Variants in HDAC9 observed in about 807,000 individuals in gnomAD.
HDAC9 encodes MEF-2 interacting transcription repressor (MITR) protein.
HDAC9 carries 41 observed loss-of-function variants against 139.4 expected under a neutral mutation model. The observed-to-expected ratio is 0.29, with a 90% CI of 0.23 to 0.38. HDAC9 has a LOEUF of 0.38. Among genes scored for constraint, HDAC9 ranks in the 10% least tolerant of loss-of-function variants. The pLI, the probability that HDAC9 is intolerant of heterozygous loss-of-function variation, is 1.00. For synonymous variants in HDAC9, 517 were observed against 476.2 expected (o/e 1.09, Z -1.12); for missense variants, 1,147 against 1,297.0 (o/e 0.88, Z 1.78).
Position 18,203,222 on chromosome 7 carries a change from G to T in HDAC9, c.25+40873G>T, listed in dbSNP as rs75190505. Among the ~76,000 whole-genome samples, 1,033 of 152,164 alleles carry T rather than the reference G, an allele frequency of 6.8e-3. 15 individuals carry two copies. The highest frequency in any genetic ancestry group is 0.024 in the African/African-American group (1,003 of 41,498). ...TTAAAAGATTGTGAGTCTAAATTTT[G>T]TGTAATTTAATATTAATAAATAACC... On this transcript the variant is annotated intron_variant, in intron 2 of 12. Coordinates refer to the HDAC9 transcript ENST00000417496.
At chr7:18,701,826 G>A (rs1275746854) in intron 12 of HDAC9, among the ~76,000 whole-genome samples, 1 of 152,228 alleles carries the variant, frequency 6.6e-6, no homozygotes, top group Non-Finnish European at 1.5e-5. Flanking sequence ...CCTGGAGAGA[G>A]TGTAGACTAA....
At chr7:18,872,427 G>A (rs1434892099) in intron 21 of HDAC9, among the ~76,000 whole-genome samples, 1 of 152,060 alleles carries the variant, frequency 6.6e-6, no homozygotes, top group Non-Finnish European at 1.5e-5. Flanking sequence ...CCTGTAAGTG[G>A]GTAAGATGTC....
chr7:18,142,098 C>T (rs1785941046), intron 1 of HDAC9, among the ~76,000 whole-genome samples: 1 of 152,128 alleles, frequency 6.6e-6, no homozygotes, highest in Admixed American at 6.5e-5. Flanking sequence ...TCCAGCACTT[C>T]ACCACTCTGT....
At chr7:18,287,367 G>T (rs1054173594), upstream of HDAC9, among the ~76,000 whole-genome samples, 7 of 152,132 alleles carry the variant, frequency 4.6e-5, no homozygotes, top group Admixed American at 6.5e-5. Flanking sequence ...TACAATAGGG[G>T]ATCAAAGTAC....
At chr7:18,385,534 G>A (rs1478570291) in intron 1 of HDAC9, among the ~76,000 whole-genome samples, 2 of 152,096 alleles carry the variant, frequency 1.3e-5, no homozygotes, top group Non-Finnish European at 2.9e-5. Context: ...CTGTGGTAGG[G>A]TCTTTCCCTT....
chr7:18,793,328 G>A lies in HDAC9; in HGVS notation c.2215-17G>A, dbSNP rs1389892125. The A allele has an allele frequency of 6.5e-7, 1 of 1,526,860 alleles. No individual in the cohort carries two copies. Among genetic ancestry groups the A allele is most frequent in the South Asian group, 1.2e-5 (1 of 83,812 alleles). 94.6% of individuals were successfully genotyped at this position (1,526,860 alleles called of 1,614,324 possible). On this transcript the variant is annotated splice_polypyrimidine_tract_variant and intron_variant, in intron 16 of 25. Coordinates refer to ENST00000686413, the MANE Select transcript of HDAC9 (RefSeq NM_178425.4). Reference sequence around the variant, plus strand: ...CTTTCTTCTTCTGTCTTCGGACTCTGCTGACTGTTTGCTCAGGTGGACAGT... The same window carrying A: ...CTTTCTTCTTCTGTCTTCGGACTCTACTGACTGTTTGCTCAGGTGGACAGT...
In HDAC9 at chr7:18,676,288, A is replaced by G. The variant is rs191346641; in HGVS notation, c.1731+9812A>G. On this transcript the variant is annotated intron_variant, in intron 12 of 25. Transcript: ENST00000686413. ...TTTCTTTGGAATCAGCATGAAATAA[A>G]GAATGCAAAGATTTTTCTGTCTCTG... 5.4e-3 allele frequency among the ~76,000 whole-genome samples: 827 copies of G among 152,128 alleles called. 2 individuals are homozygous for G. The highest frequency in any genetic ancestry group is 8.7e-3 in the Non-Finnish European group (591 of 67,956).
chr7:18,499,251 A>G (rs1797742494), intron 2 of HDAC9, among the ~76,000 whole-genome samples: 1 of 152,018 alleles, frequency 6.6e-6, no homozygotes, highest in Admixed American at 6.6e-5. Context: ...TAGAGTTCCC[A>G]TTTGTTGTTC....
At chr7:18,574,790 C>T (rs1321061177) in intron 2 of HDAC9, among the ~76,000 whole-genome samples, 1 of 152,268 alleles carries the variant, frequency 6.6e-6, no homozygotes, top group African/African-American at 2.4e-5. Context: ...TTGGCCTGAA[C>T]TTTGCTTCAA....
chr7:18,987,840 C>G (rs1403303459), intron 25 of HDAC9, among the ~76,000 whole-genome samples: 2 of 152,156 alleles, frequency 1.3e-5, no homozygotes, highest in African/African-American at 4.8e-5. Flanking sequence ...TCTAGATTTT[C>G]TAGTTTATTG....
rs144305051 is a variant in HDAC9 at position 18,145,271 on chromosome 7, G to C, written c.-96-16958G>C. 3.4e-3 allele frequency among the ~76,000 whole-genome samples: 515 copies of C among 152,288 alleles called. 2 individuals are homozygous for C. The highest frequency in any genetic ancestry group is 5.9e-3 in the Non-Finnish European group (401 of 68,032). On this transcript the variant is annotated intron_variant, in intron 1 of 12. Transcript: ENST00000417496. ...TTGTAGTCTGGTATAGTCTGATGTA[G>C]GCAAGCACTCAATAAGAAGCAATGA...
chr7:18,879,631 C>A (rs1347390012), intron 22 of HDAC9, among the ~76,000 whole-genome samples: 2 of 152,014 alleles, frequency 1.3e-5, no homozygotes, highest in Admixed American at 6.6e-5. Flanking sequence ...GAAGCTGGAC[C>A]CCTTCCTTAC....
At chr7:18,686,322 A>G (rs1782266669) in intron 12 of HDAC9, among the ~76,000 whole-genome samples, 1 of 152,036 alleles carries the variant, frequency 6.6e-6, no homozygotes, top group Non-Finnish European at 1.5e-5. Flanking sequence ...GTAGAAAGCA[A>G]AGGCAAAGAT....
chr7:18,377,854 T>C (rs1785113659), intron 1 of HDAC9, among the ~76,000 whole-genome samples: 1 of 152,216 alleles, frequency 6.6e-6, no homozygotes, highest in Admixed American at 6.5e-5. Flanking sequence ...TTATTTTTAT[T>C]ATTTTTCCTT....
At chr7:18,237,727 A>G (rs796375050) in intron 2 of HDAC9, among the ~76,000 whole-genome samples, 13 of 152,342 alleles carry the variant, frequency 8.5e-5, no homozygotes, top group African/African-American at 3.1e-4. Context: ...AGACAATTGC[A>G]ATGAATTAAA....
At chr7:18,368,780 A>G (rs553302130) in intron 1 of HDAC9, among the ~76,000 whole-genome samples, 1 of 87,000 alleles carries the variant, frequency 1.1e-5, no homozygotes, top group South Asian at 3.5e-4. Context: ...AGAAATTCCT[A>G]CCTAAGTAGT....
At chr7:18,217,903 G>C (rs1792426877) in intron 2 of HDAC9, among the ~76,000 whole-genome samples, 1 of 152,158 alleles carries the variant, frequency 6.6e-6, no homozygotes, top group Non-Finnish European at 1.5e-5. Context: ...TTTTTGCTGT[G>C]TCTCTCCTAA....
intron 2 of HDAC9, among the ~76,000 whole-genome samples, chr7:18,278,808 A>G (rs1796912395): frequency 1.3e-5 from 2 of 152,188 alleles, no homozygotes; most frequent in Non-Finnish European, 2.9e-5. Flanking sequence ...TTGATTTTAA[A>G]AGATCACTTT....
In HDAC9 at chr7:18,856,758, A is replaced by AT. The variant is rs3214116; in HGVS notation, c.2685-17713dup. On this transcript the variant is annotated intron_variant, in intron 21 of 25. Transcript: ENST00000686413. ...ATTTAATCAATTGCTTTCTATTAAC[A>AT]TTTTTTTGGTGAATGTGAACAATAC... is the stretch of plus-strand genomic sequence containing the variant. 5.5e-4 allele frequency among the ~76,000 whole-genome samples: 84 copies of AT among 152,200 alleles called. 2 individuals carry two copies. In the East Asian group the frequency reaches 0.013, roughly 24 times the overall value.
Sources: gnomAD v4.1 joint callset for allele counts (sites outside exome capture counted in the v4.1 genomes callset) on GRCh38, gnomAD v4.1.1 for gene constraint, MANE v1.5 for transcripts, NCBI Gene and HGNC (gene_info 2026-07-23, HGNC 2026-07-21) for gene names.